The following PLXDC2 variants were observed in gnomAD, a reference collection of about 807,000 sequenced individuals.
PLXDC2 encodes plexin domain-containing protein 2.
Under a neutral mutation model 68.9 loss-of-function variants are expected in PLXDC2, and 40 were observed. The ratio of observed to expected loss-of-function variants is 0.58; its 90% CI spans 0.45 to 0.76. PLXDC2 has a LOEUF of 0.76. Ranked by LOEUF, PLXDC2 falls within the 30% of genes least tolerant of loss-of-function variation. The pLI is 0.00. For missense variants in PLXDC2, 644 were observed against 661.9 expected, an observed-to-expected ratio of 0.97 and a Z score of 0.30; for synonymous variants, 243 against 234.2, an observed-to-expected ratio of 1.04 and a Z score of -0.34.
chr10:19,875,105 T>A (rs1038974358), intron 1 of PLXDC2, among the ~76,000 whole-genome samples: 22 of 152,194 alleles, frequency 1.4e-4, no homozygotes, highest in Admixed American at 1.2e-3. Context: ...AAATCATGCA[T>A]GCAAAGCAGT....
chr10:19,895,895 G>C (rs1838048725), intron 1 of PLXDC2, among the ~76,000 whole-genome samples: 2 of 152,078 alleles, frequency 1.3e-5, no homozygotes, highest in South Asian at 4.2e-4. Context: ...ACTTCAGCCT[G>C]GGTGACAGAG....
At chr10:19,886,761 G>T (rs1837854311) in intron 1 of PLXDC2, among the ~76,000 whole-genome samples, 1 of 152,112 alleles carries the variant, frequency 6.6e-6, no homozygotes, top group Admixed American at 6.5e-5. Context: ...CATAGTGTTG[G>T]AAGTTCTGGC....
At chr10:19,951,205 A>T (rs905239866) in intron 1 of PLXDC2, among the ~76,000 whole-genome samples, 3 of 152,202 alleles carry the variant, frequency 2.0e-5, no homozygotes, top group Non-Finnish European at 4.4e-5. Flanking sequence ...ATACCCAGAC[A>T]ACCTACAAAA....
In PLXDC2 at chr10:20,225,176, A is replaced by C. The variant is rs183900392; in HGVS notation, c.1312+6074A>C. On this transcript the variant is annotated intron_variant, in intron 12 of 13. Coordinates refer to ENST00000377252, the MANE Select transcript of PLXDC2 (RefSeq NM_032812.9). ...TTTCTATTTCTGAAGATATCATAAG[A>C]ATTTTCATCCCGAGATAAAATTTTA... Among the ~76,000 whole-genome samples, 17 of 152,306 alleles carry C rather than the reference A, an allele frequency of 1.1e-4. No homozygotes were observed. The East Asian group carries it at 3.1e-3, about 28-fold the overall frequency.
intron 6 of PLXDC2, among the ~76,000 whole-genome samples, chr10:20,161,849 T>C (rs991204609): frequency 7.3e-5 from 11 of 151,622 alleles, no homozygotes; most frequent in Non-Finnish European, 1.0e-4. Flanking sequence ...CTGACCAACA[T>C]GGGGAAACCT....
At chr10:19,861,860 C>T (rs1044680144) in intron 1 of PLXDC2, among the ~76,000 whole-genome samples, 3 of 152,132 alleles carry the variant, frequency 2.0e-5, no homozygotes, top group Admixed American at 2.0e-4. Flanking sequence ...GGAACTCTTC[C>T]TTAGTAACCT....
chr10:19,837,997 T>G (rs1258489261), intron 1 of PLXDC2, among the ~76,000 whole-genome samples: 1 of 152,178 alleles, frequency 6.6e-6, no homozygotes, highest in Non-Finnish European at 1.5e-5. Context: ...ATTTATATAT[T>G]TATTGATTTA....
intron 4 of PLXDC2, among the ~76,000 whole-genome samples, chr10:20,136,666 A>C (rs761825300): frequency 5.3e-5 from 8 of 152,254 alleles, no homozygotes; most frequent in Admixed American, 4.6e-4. Context: ...TAGAGATAAC[A>C]GTACATAACG....
At chr10:20,022,428 G>C (rs1835328292) in intron 2 of PLXDC2, among the ~76,000 whole-genome samples, 1 of 152,120 alleles carries the variant, frequency 6.6e-6, no homozygotes, top group Admixed American at 6.6e-5. Flanking sequence ...TTCTAAGATA[G>C]GATGATTGGG....
At chr10:19,973,509 A>G (rs1359275332) in intron 1 of PLXDC2, among the ~76,000 whole-genome samples, 1 of 152,116 alleles carries the variant, frequency 6.6e-6, no homozygotes. Flanking sequence ...TTCCACTTCT[A>G]ATTGGAATTT....
intron 6 of PLXDC2, among the ~76,000 whole-genome samples, chr10:20,164,086 T>G (rs1381696691): frequency 6.6e-6 from 1 of 151,968 alleles, no homozygotes; most frequent in Non-Finnish European, 1.5e-5. Flanking sequence ...TACAGTAAAG[T>G]TTTTTTTCAG....
At chr10:20,138,082 A>G (rs1009340434) in intron 4 of PLXDC2, among the ~76,000 whole-genome samples, 1 of 152,194 alleles carries the variant, frequency 6.6e-6, no homozygotes, top group African/African-American at 2.4e-5. Flanking sequence ...GTAGAGCTCA[A>G]TTTTATTTAA....
chr10:19,887,664 A>G (rs541874845), intron 1 of PLXDC2, among the ~76,000 whole-genome samples: 2 of 152,370 alleles, frequency 1.3e-5, no homozygotes, highest in African/African-American at 4.8e-5. Flanking sequence ...TATGTCACAC[A>G]TGTAAAATCT....
At chr10:20,156,306 C>G (rs978535417) in intron 6 of PLXDC2, among the ~76,000 whole-genome samples, 24 of 152,170 alleles carry the variant, frequency 1.6e-4, no homozygotes, top group African/African-American at 5.6e-4. Flanking sequence ...ACTCAGAGGG[C>G]ACACTTTTTA....
chr10:20,020,584 C>CAT (rs1033749398), intron 2 of PLXDC2, among the ~76,000 whole-genome samples: 23 of 151,550 alleles, frequency 1.5e-4, no homozygotes, highest in South Asian at 4.2e-4. Flanking sequence ...TAAGTGTATT[C>CAT]ATATATATAT....
At chr10:19,839,343 T>C (rs333687) in intron 1 of PLXDC2, among the ~76,000 whole-genome samples, 40,976 of 152,064 alleles carry the variant, frequency 0.27, 6,224 homozygotes, top group East Asian at 0.46. Flanking sequence ...TAAACATTCT[T>C]AAAACATTAT....
At chr10:19,851,634 C>G (rs1454315904) in intron 1 of PLXDC2, among the ~76,000 whole-genome samples, 1 of 152,260 alleles carries the variant, frequency 6.6e-6, no homozygotes, top group East Asian at 1.9e-4. Flanking sequence ...CAACCTCCAC[C>G]TCCTGGGTTC....
chr10:19,955,560 C>T (rs992572408), intron 1 of PLXDC2, among the ~76,000 whole-genome samples: 5 of 152,094 alleles, frequency 3.3e-5, no homozygotes, highest in African/African-American at 7.2e-5. Context: ...CCAGAGTTTC[C>T]TTATCTGTAA....
At chr10:20,006,927 A>C (rs1364177397) in intron 2 of PLXDC2, among the ~76,000 whole-genome samples, 1 of 152,182 alleles carries the variant, frequency 6.6e-6, no homozygotes, top group Non-Finnish European at 1.5e-5. Flanking sequence ...TTCTTCTTGT[A>C]TTTCCTCTGT....
Sources: allele counts gnomAD v4.1 joint callset (sites outside exome capture counted in the v4.1 genomes callset), GRCh38; gene constraint gnomAD v4.1.1; transcripts MANE v1.5; gene names NCBI Gene and HGNC (gene_info 2026-07-23, HGNC 2026-07-21).